RTN1: variants seen among roughly 807,000 people sequenced by gnomAD.
The protein encoded by RTN1 is reticulon-1.
Under a neutral mutation model 65.5 loss-of-function variants are expected in RTN1, and 25 were observed. That is an observed-to-expected ratio of 0.38 (90% confidence interval 0.28 to 0.53). The LOEUF (loss-of-function observed/expected upper bound fraction) is 0.53, where lower values mean the gene tolerates loss of function less well. Among genes scored for constraint, RTN1 ranks in the 20% least tolerant of loss-of-function variants. The probability of loss-of-function intolerance (pLI) is 0.79; values close to 1 mark genes in which losing one functional copy is unlikely to be tolerated. For missense variants in RTN1, 983 were observed against 1,025.4 expected (o/e 0.96, Z 0.57); for synonymous variants, 471 against 447.6 (o/e 1.05, Z -0.66).
At chr14:59,735,822 A>C (rs779594925) in intron 2 of RTN1, among the ~76,000 whole-genome samples, 1 of 151,924 alleles carries the variant, frequency 6.6e-6, no homozygotes, top group Non-Finnish European at 1.5e-5. Context: ...AATATTAGAC[A>C]TGAAATAATA....
At chr14:59,807,548 T>C (rs1886659882) in intron 1 of RTN1, among the ~76,000 whole-genome samples, 1 of 152,214 alleles carries the variant, frequency 6.6e-6, no homozygotes, top group African/African-American at 2.4e-5. Flanking sequence ...ACCTCAACTC[T>C]GGAAGGTCAC....
intron 1 of RTN1, among the ~76,000 whole-genome samples, chr14:59,747,522 T>C (rs13379419): frequency 0.032 from 4,845 of 152,216 alleles, 247 homozygotes; most frequent in African/African-American, 0.11. Flanking sequence ...TGCAGGAGAA[T>C]TGCTTGAACC....
chr14:59,616,509 G>C (rs1321300019), intron 3 of RTN1, among the ~76,000 whole-genome samples: 1 of 152,012 alleles, frequency 6.6e-6, no homozygotes, highest in Non-Finnish European at 1.5e-5. Flanking sequence ...AGTGGCATTT[G>C]GTTTACTTTG....
intron 3 of RTN1, among the ~76,000 whole-genome samples, chr14:59,710,440 A>C (rs1884394489): frequency 6.6e-6 from 1 of 152,186 alleles, no homozygotes; most frequent in Non-Finnish European, 1.5e-5. Context: ...AGTTCCCCAA[A>C]TGGTTCTTTC....
chr14:59,709,733 C>T (rs867077079), intron 3 of RTN1, among the ~76,000 whole-genome samples: 39 of 152,068 alleles, frequency 2.6e-4, no homozygotes, highest in African/African-American at 9.2e-4. Context: ...TAATTGAAAG[C>T]ATATAACAAA....
Position 59,749,320 on chromosome 14 carries a change from C to CTA in RTN1, c.242-2841_242-2840dup, listed in dbSNP as rs1237200086. The stretch of plus-strand genomic sequence containing the variant: ...TATCTATATATATCTATATATATAT[C>CTA]TATATATCTATATATATCTATATAT... On this transcript the variant is annotated intron_variant, in intron 1 of 8. Transcript: ENST00000267484. 5.1e-4 allele frequency among the ~76,000 whole-genome samples: 9 copies of CTA among 17,770 alleles called. 1 individual carries two copies. The highest frequency in any genetic ancestry group is 4.3e-4 in the Non-Finnish European group (5 of 11,560). 11.7% of individuals were successfully genotyped at this position (17,770 alleles called of 152,430 possible).
At chr14:59,627,982 T>G (rs912920684) in intron 3 of RTN1, among the ~76,000 whole-genome samples, 1 of 152,106 alleles carries the variant, frequency 6.6e-6, no homozygotes, top group Non-Finnish European at 1.5e-5. Flanking sequence ...CACCCATTTT[T>G]TTTTTTTAAA....
rs957213824 is a variant in RTN1, at chr14:59,733,123, G to A, written c.1016-5455C>T. Among the ~76,000 whole-genome samples, 8 of 148,934 alleles carry A rather than the reference G, an allele frequency of 5.4e-5. No individual in the cohort carries two copies. In the East Asian group the frequency reaches 5.9e-4, roughly 11 times the overall value. On this transcript the variant is annotated intron_variant, in intron 2 of 8. Transcript: ENST00000267484. The stretch of plus-strand genomic sequence containing the variant: ...TTTCTTTCTTTTGAGGCAGAGTCTC[G>A]CTTTGCCGCCCAGGCTGGAGTGTAG...
At chr14:59,800,873 A>C (rs1016668655) in intron 1 of RTN1, among the ~76,000 whole-genome samples, 18 of 152,170 alleles carry the variant, frequency 1.2e-4, no homozygotes, top group African/African-American at 4.1e-4. Context: ...ATTAATGAAC[A>C]GAAAGGAAAT....
Position 59,825,187 on chromosome 14 carries a change from C to G in RTN1, c.241+45203G>C, listed in dbSNP as rs1887009215. On this transcript the variant is annotated intron_variant, in intron 1 of 8. Transcript: ENST00000267484. This position sits in a 1 kb window ranked among gnomAD's most constrained non-coding sequence, Gnocchi z 4.2. ...TCCCTAGCCTCTACCGACTAGGTGC[C>G]AATAGCACCCGAGTCATGTCTATTA... Among the ~76,000 whole-genome samples, 1 of 152,212 alleles carries G rather than the reference C, an allele frequency of 6.6e-6. No individual in the cohort carries two copies. Among genetic ancestry groups the G allele is most frequent in the South Asian group, 2.1e-4 (1 of 4,830 alleles).
chr14:59,833,898 T>C (rs1273130139), intron 1 of RTN1, among the ~76,000 whole-genome samples: 2 of 152,206 alleles, frequency 1.3e-5, no homozygotes, highest in East Asian at 3.8e-4. Flanking sequence ...TAATTCAGAA[T>C]TTTCCCTTGA....
chr14:59,866,825 T>C (rs7142092), intron 1 of RTN1, among the ~76,000 whole-genome samples: 3,677 of 152,248 alleles, frequency 0.024, 148 homozygotes, highest in African/African-American at 0.084. Flanking sequence ...ATAAAAAATG[T>C]CTACACATCT....
At chr14:59,798,467 A>G (rs1463468433) in intron 1 of RTN1, among the ~76,000 whole-genome samples, 2 of 152,246 alleles carry the variant, frequency 1.3e-5, no homozygotes, top group Non-Finnish European at 2.9e-5. Context: ...AGGGGTTAGT[A>G]GCATGGGTTC....
chr14:59,596,905 A>G, intron 8 of RTN1, 118 bp from the exon 9 acceptor site: 1 of 752,430 alleles, frequency 1.3e-6, no homozygotes. Flanking sequence ...AAGATATTAT[A>G]GTCTTTATGT....
intron 3 of RTN1, among the ~76,000 whole-genome samples, chr14:59,682,882 C>T (rs1244415367): frequency 6.6e-6 from 1 of 152,062 alleles, no homozygotes; most frequent in Admixed American, 6.6e-5. Flanking sequence ...CACTAATTTG[C>T]CTAATAGAAA....
chr14:59,712,248 T>C lies in RTN1; in HGVS notation c.1765+14671A>G, dbSNP rs1035972990. On this transcript the variant is annotated intron_variant, in intron 3 of 8. Transcript: ENST00000267484. ...TAGGCCTAAAGATAACAAAAATCTATATACAGCAGATAGAGCTAAGTGGTA... is the reference window on the plus strand; with the variant it reads ...TAGGCCTAAAGATAACAAAAATCTACATACAGCAGATAGAGCTAAGTGGTA... Among the ~76,000 whole-genome samples, 11 of 152,268 alleles carry C rather than the reference T, an allele frequency of 7.2e-5. 1 individual carries two copies. Among genetic ancestry groups the C allele is most frequent in the Admixed American group, 2.0e-4 (3 of 15,284 alleles).
chr14:59,630,498 G>A, intron 3 of RTN1: 1 of 1,613,836 alleles, frequency 6.2e-7, no homozygotes, highest in Non-Finnish European at 8.5e-7. Context: ...AATCGGCAGT[G>A]GCCTGCATCG....
chr14:59,727,051 G>A lies in RTN1; in HGVS notation c.1633C>T (p.Pro545Ser). 1 of 1,613,272 alleles carries A rather than the reference G, an allele frequency of 6.2e-7. No individual in the cohort carries two copies. Residue 545 changes from proline to serine, a missense_variant, in exon 3 of 9, where the codon CCT (proline) becomes TCT (serine). Pro to Ser is a moderately conservative substitution (Grantham distance 74). Around this residue, in one of 2 missense-constraint regions of RTN1, gnomAD observed 818 missense variants for 801.8 expected, o/e 1.02. Transcript: ENST00000267484. This position sits in a 1 kb window ranked among gnomAD's most constrained non-coding sequence, Gnocchi z 4.2. Reference sequence around the variant, plus strand: ...TTCCGTGGCAACATGGGCGTCTCAGGCTCCAGGGCTCCGTCTCCAGGGGGC... The same window carrying A: ...TTCCGTGGCAACATGGGCGTCTCAGACTCCAGGGCTCCGTCTCCAGGGGGC... The part of the protein sequence containing the change: ...ELPPGDGALE[P>S]ETPMLPRKPE...
intron 3 of RTN1, among the ~76,000 whole-genome samples, chr14:59,700,996 C>T (rs1884166333): frequency 1.3e-5 from 2 of 151,830 alleles, no homozygotes; most frequent in Admixed American, 6.6e-5. Context: ...CTAGAACATA[C>T]AAATAACTCT....
Sources: allele counts gnomAD v4.1 joint callset (sites outside exome capture counted in the v4.1 genomes callset), GRCh38; gene constraint gnomAD v4.1.1; regional missense constraint gnomAD v4.1.1; non-coding constraint Gnocchi (gnomAD v3.1); transcripts MANE v1.5; gene names NCBI Gene and HGNC (gene_info 2026-07-23, HGNC 2026-07-21).